The following ASTN1 variants were observed in gnomAD, a reference collection of about 807,000 sequenced individuals.
ASTN1 encodes astrotactin 1, also known as astrotactin-1.
Under a neutral mutation model 140.7 loss-of-function variants are expected in ASTN1, and 41 were observed. The ratio of observed to expected loss-of-function variants is 0.29; its 90% confidence interval spans 0.23 to 0.38. The LOEUF (loss-of-function observed/expected upper bound fraction) is 0.38, where lower values mean the gene tolerates loss of function less well. ASTN1 is among the 10% of genes least tolerant of loss of function. The pLI, the probability that ASTN1 is intolerant of heterozygous loss-of-function variation, is 1.00. For missense variants in ASTN1, 1,479 were observed against 1,678.8 expected (o/e 0.88, Z 2.08); for synonymous variants, 640 against 652.2 (o/e 0.98, Z 0.29).
chr1:177,062,139 CA>C (rs1431754475), intron 1 of ASTN1, among the ~76,000 whole-genome samples: 1 of 152,142 alleles, frequency 6.6e-6, no homozygotes, highest in Non-Finnish European at 1.5e-5. Context: ...AGACATAACA[CA>C]GTAGAAAAAC....
chr1:176,891,736 T>C (rs749429185), intron 17 of ASTN1, among the ~76,000 whole-genome samples: 47 of 152,138 alleles, frequency 3.1e-4, no homozygotes, highest in Non-Finnish European at 5.3e-4. Context: ...GAGGTTGCAG[T>C]GAGCCAAGAA....
intron 2 of ASTN1, among the ~76,000 whole-genome samples, chr1:177,036,616 A>G (rs1676731730): frequency 6.6e-6 from 1 of 152,170 alleles, no homozygotes; most frequent in Admixed American, 6.5e-5. Context: ...TTGTAAAATC[A>G]CTACACATAA....
chr1:176,957,665 A>G lies in ASTN1; in HGVS notation c.1887+13T>C, dbSNP rs777863829. 1.2e-6 allele frequency: 2 copies of G among 1,613,164 alleles called. No homozygotes were observed. Among genetic ancestry groups the G allele is most frequent in the African/African-American group, 1.3e-5 (1 of 74,860 alleles). Reference sequence around the variant, plus strand: ...CCTCAAACAGAAACTACTAGCTTGCAGGGCAGACCTACCACGCAACCAGTG... The same window carrying G: ...CCTCAAACAGAAACTACTAGCTTGCGGGGCAGACCTACCACGCAACCAGTG... On this transcript the variant is annotated intron_variant, in intron 11 of 22. Coordinates refer to ENST00000361833, the MANE Select transcript of ASTN1 (RefSeq NM_004319.3).
At chr1:176,967,785 C>A (rs1233979556) in intron 8 of ASTN1, among the ~76,000 whole-genome samples, 2 of 152,160 alleles carry the variant, frequency 1.3e-5, no homozygotes, top group South Asian at 2.1e-4. Context: ...TCAAGGAGAC[C>A]TCCTGCTCTT....
Position 176,958,335 on chromosome 1 carries a change from C to A in ASTN1, c.1736+10G>T. On this transcript the variant is annotated intron_variant, in intron 10 of 22. Transcript: ENST00000361833. ...CCAATTGCAGGCCTCAGTCCTGAAG[C>A]CAGACTCACCTGACCTCCACAGCAT... is the stretch of plus-strand genomic sequence containing the variant. 6.2e-7 allele frequency: 1 copy of A among 1,613,894 alleles called. No homozygotes were observed. The highest frequency in any genetic ancestry group is 8.5e-7 in the Non-Finnish European group (1 of 1,179,848).
At chr1:177,143,382 T>C (rs1451314685) in intron 1 of ASTN1, among the ~76,000 whole-genome samples, 1 of 152,218 alleles carries the variant, frequency 6.6e-6, no homozygotes, top group Non-Finnish European at 1.5e-5. Context: ...AGATTTGCTA[T>C]GGCCACGCGC....
rs574657630 is a variant in ASTN1 at position 176,919,183 on chromosome 1, A to T, written c.2671+14969T>A. 3.9e-5 allele frequency among the ~76,000 whole-genome samples: 6 copies of T among 152,324 alleles called. No individual in the cohort carries two copies. The South Asian group carries it at 8.3e-4, about 21-fold the overall frequency. ...TAACAAAGCAGGGATTATGCCTCTCATGCGGTGTTGTTTGCCCCAAACCTG... is the reference window on the plus strand; with the variant it reads ...TAACAAAGCAGGGATTATGCCTCTCTTGCGGTGTTGTTTGCCCCAAACCTG... On this transcript the variant is annotated intron_variant, in intron 16 of 22. Coordinates refer to ENST00000361833, the MANE Select transcript of ASTN1 (RefSeq NM_004319.3).
At chr1:176,961,017 T>C (rs1043870062) in intron 9 of ASTN1, among the ~76,000 whole-genome samples, 2 of 152,198 alleles carry the variant, frequency 1.3e-5, no homozygotes, top group African/African-American at 4.8e-5. Flanking sequence ...CTCAGAAGAA[T>C]GTGCTCTCTT....
At chr1:177,154,209 A>G (rs1439809191) in intron 1 of ASTN1, among the ~76,000 whole-genome samples, 1 of 152,164 alleles carries the variant, frequency 6.6e-6, no homozygotes, top group East Asian at 1.9e-4. Context: ...GACTGGCAAA[A>G]TGTAATAGGT....
chr1:177,033,699 C>A (rs1676569347), intron 2 of ASTN1, among the ~76,000 whole-genome samples: 1 of 152,122 alleles, frequency 6.6e-6, no homozygotes, highest in Admixed American at 6.5e-5. Context: ...GGATTGAAAC[C>A]CAAGTCCTGG....
chr1:176,882,842 AG>A lies in ASTN1; in HGVS notation c.3362+16del, dbSNP rs1253887491. 2 of 1,614,064 alleles carry A rather than the reference AG, an allele frequency of 1.2e-6. No homozygotes were observed. Among genetic ancestry groups the A allele is most frequent in the Non-Finnish European group, 1.7e-6 (2 of 1,179,954 alleles). ...CTGTCAGGGTAAGAAGTCACTAGGT[AG>A]GTGTGTGTTACTCACATGTAAATGG... On this transcript the variant is annotated intron_variant, in intron 20 of 22. Transcript: ENST00000361833.
intron 16 of ASTN1, among the ~76,000 whole-genome samples, chr1:176,902,333 G>T (rs1249525399): frequency 6.6e-6 from 1 of 152,194 alleles, no homozygotes; most frequent in Non-Finnish European, 1.5e-5. Context: ...GCCTCCAGGT[G>T]ATGGTTTTAT....
At chr1:176,946,240 T>C in intron 12 of ASTN1, 120 bp from the exon 13 acceptor site, 1 of 979,848 alleles carries the variant, frequency 1.0e-6, no homozygotes, top group Non-Finnish European at 1.4e-6. Flanking sequence ...AAAGATTAGA[T>C]TTCCAAGTTA....
chr1:176,888,278 G>T, intron 17 of ASTN1, 74 bp from the exon 18 acceptor site: 9 of 1,550,834 alleles, frequency 5.8e-6, no homozygotes, highest in Non-Finnish European at 7.1e-6. Context: ...GAGGCAGAGT[G>T]TCAAGGATCT....
chr1:176,867,473 T>G (rs1668167858), intron 22 of ASTN1, among the ~76,000 whole-genome samples: 1 of 152,086 alleles, frequency 6.6e-6, no homozygotes, highest in African/African-American at 2.4e-5. Flanking sequence ...CAATATTTCT[T>G]AACATGTATC....
intron 21 of ASTN1, 51 bp downstream of exon 21, chr1:176,876,486 G>A (rs755837334): frequency 1.3e-6 from 2 of 1,580,106 alleles, no homozygotes; most frequent in African/African-American, 1.3e-5. Context: ...AGCAAGTGGT[G>A]GGTACCTGGG....
chr1:176,933,747 C>T (rs1671312799), intron 16 of ASTN1, among the ~76,000 whole-genome samples: 1 of 152,132 alleles, frequency 6.6e-6, no homozygotes. Context: ...TATGTAGCTG[C>T]TATAAAGGGA....
chr1:176,942,752 G>C (rs949314722), intron 14 of ASTN1, among the ~76,000 whole-genome samples: 4 of 144,766 alleles, frequency 2.8e-5, no homozygotes, highest in Non-Finnish European at 6.0e-5. Context: ...TCACCTCTTA[G>C]AGTCTTCCTG....
intron 16 of ASTN1, among the ~76,000 whole-genome samples, chr1:176,927,225 G>A (rs1032254356): frequency 6.6e-6 from 1 of 152,122 alleles, no homozygotes; most frequent in Non-Finnish European, 1.5e-5. Flanking sequence ...GGACAAAAAA[G>A]GTGGATTATG....
Sources: allele counts gnomAD v4.1 joint callset (sites outside exome capture counted in the v4.1 genomes callset), GRCh38; gene constraint gnomAD v4.1.1; transcripts MANE v1.5; gene names NCBI Gene and HGNC (gene_info 2026-07-23, HGNC 2026-07-21).